LYST: variants seen among roughly 807,000 people sequenced by gnomAD.
The protein encoded by LYST is lysosomal trafficking regulator, also known as lysosomal-trafficking regulator.
A neutral mutation model predicts 413.6 loss-of-function variants in LYST; 192 were observed. The observed-to-expected ratio is 0.46, with a 90% CI of 0.41 to 0.52. The LOEUF (loss-of-function observed/expected upper bound fraction) is 0.52. Ranked by LOEUF, LYST falls within the 20% of genes least tolerant of loss-of-function variation. The probability of loss-of-function intolerance (pLI) is 0.00; values close to 1 mark genes in which losing one functional copy is unlikely to be tolerated. For synonymous variants in LYST, 1,525 were observed against 1,567.3 expected (o/e 0.97, Z 0.64); for missense variants, 3,815 against 4,499.9 (o/e 0.85, Z 4.35).
chr1:235,717,685 G>A (rs1662964926), intron 40 of LYST, among the ~76,000 whole-genome samples: 1 of 151,524 alleles, frequency 6.6e-6, no homozygotes, highest in African/African-American at 2.4e-5. Context: ...AACCAGGTCT[G>A]CTTAACCACA....
chr1:235,809,064 C>G lies in LYST; in HGVS notation c.1754G>C (p.Cys585Ser), dbSNP rs773810492. ...AATGATTACAGATTTGGGATCCATA[C>G]AACAGCATATTCCAATGTTATGAAC... is the stretch of plus-strand genomic sequence containing the variant. Reference protein sequence around the residue: ...SGVHNIGICCCMDPKSVIIPL... With the variant: ...SGVHNIGICCSMDPKSVIIPL... The change falls in exon 5 of 53, where the codon TGT becomes TCT. Residue 585 changes from cysteine to serine, a missense_variant. Transcript: ENST00000389793. The surrounding 1 kb of genome is among the most constrained non-coding windows in gnomAD (Gnocchi z 4.0). 5.0e-6 allele frequency: 8 copies of G among 1,614,112 alleles called. No individual in the cohort carries two copies. The highest frequency in any genetic ancestry group is 5.1e-6 in the Non-Finnish European group (6 of 1,179,982).
intron 1 of LYST, among the ~76,000 whole-genome samples, chr1:235,874,064 A>G (rs1681041577): frequency 6.6e-6 from 1 of 152,240 alleles, no homozygotes; most frequent in African/African-American, 2.4e-5. Flanking sequence ...ACTCAGGGTC[A>G]AGGTAAGGAA....
At chr1:235,769,881 C>T (rs1010243592) in intron 20 of LYST, among the ~76,000 whole-genome samples, 2 of 151,916 alleles carry the variant, frequency 1.3e-5, no homozygotes, top group Non-Finnish European at 2.9e-5. Flanking sequence ...CAAGGCAGTA[C>T]AAAACTATTA....
intron 8 of LYST, among the ~76,000 whole-genome samples, chr1:235,802,142 C>T (rs1040339081): frequency 4.5e-5 from 6 of 132,260 alleles, no homozygotes; most frequent in East Asian, 2.2e-4. Context: ...TGCAGTGAGT[C>T]GAGATCACGC....
Position 235,731,044 on chromosome 1 carries a change from G to T in LYST, c.8935C>A (p.Gln2979Lys). 1 of 1,613,350 alleles carries T rather than the reference G, an allele frequency of 6.2e-7. No individual in the cohort carries two copies. Among genetic ancestry groups the T allele is most frequent in the Non-Finnish European group, 8.5e-7 (1 of 1,179,340 alleles). Residue 2979 changes from glutamine to lysine, a missense_variant, in exon 35 of 53, where the codon CAG becomes AAG. Gln to Lys is a moderately conservative substitution (Grantham distance 53). Around this residue, in one of 4 missense-constraint regions of LYST, gnomAD observed 866 missense variants for 1,156.0 expected, o/e 0.75. Coordinates refer to ENST00000389793, the MANE Select transcript of LYST (RefSeq NM_000081.4). ...AAGCCACTATTACCTTCTGATTTCT[G>T]TCTATCCCTAAGGAGATACTTATTT... The part of the protein sequence containing the change: ...IPNKYLLRDR[Q>K]KSEDVVKPPL...
intron 29 of LYST, among the ~76,000 whole-genome samples, chr1:235,745,273 A>G (rs1028071374): frequency 6.6e-6 from 1 of 152,078 alleles, no homozygotes; most frequent in Non-Finnish European, 1.5e-5. Flanking sequence ...TATTTCTTTG[A>G]ATAGCTTTTT....
At chr1:235,864,435 T>G (rs1558361539) in intron 1 of LYST, among the ~76,000 whole-genome samples, 1 of 152,142 alleles carries the variant, frequency 6.6e-6, no homozygotes, top group Non-Finnish European at 1.5e-5. Flanking sequence ...TTTTGGTGTC[T>G]TTTACATCTC....
At chr1:235,695,542 G>A (rs1006934077) in intron 46 of LYST, among the ~76,000 whole-genome samples, 1 of 151,640 alleles carries the variant, frequency 6.6e-6, no homozygotes, top group East Asian at 1.9e-4. Flanking sequence ...CTTAGAATAT[G>A]TTTGACATGC....
chr1:235,866,987 C>T (rs1680632740), upstream of LYST: 1 of 153,026 alleles, frequency 6.5e-6, no homozygotes, highest in African/African-American at 2.4e-5. Context: ...CCTCCCTCCC[C>T]TCGTCCGGAC....
At chr1:235,685,972 A>C (rs1360884814) in intron 48 of LYST, among the ~76,000 whole-genome samples, 1 of 152,214 alleles carries the variant, frequency 6.6e-6, no homozygotes, top group African/African-American at 2.4e-5. Flanking sequence ...TTATAATGGA[A>C]AAAAATGCAC....
chr1:235,795,164 C>T (rs1038505658), intron 10 of LYST, among the ~76,000 whole-genome samples: 1 of 152,150 alleles, frequency 6.6e-6, no homozygotes, highest in African/African-American at 2.4e-5. Context: ...GACAGTGCGG[C>T]CGACAATACA....
chr1:235,806,704 C>G lies in LYST; in HGVS notation c.2432G>C (p.Gly811Ala), dbSNP rs760751774. Residue 811 changes from glycine to alanine, a missense_variant, in exon 6 of 53, where the codon GGT becomes GCT. By Grantham distance (60) the Gly-to-Ala change is moderately conservative. Coordinates refer to ENST00000389793, the MANE Select transcript of LYST (RefSeq NM_000081.4). ...SQIIELNCLN[G>A]IRSHSLKAFE... ...TGCTTTTAGAGAATGACTTCGAATA[C>G]CATTTAAGCAATTTAATTCGATTAT... The G allele has an allele frequency of 6.2e-7, 1 of 1,612,824 alleles. No individual in the cohort carries two copies. Among genetic ancestry groups the G allele is most frequent in the Non-Finnish European group, 8.5e-7 (1 of 1,179,062 alleles).
chr1:235,852,230 T>C (rs1423419989), intron 1 of LYST, among the ~76,000 whole-genome samples: 1 of 152,190 alleles, frequency 6.6e-6, no homozygotes, highest in Admixed American at 6.5e-5. Flanking sequence ...AGAATCTTAG[T>C]AACAACTCAT....
intron 1 of LYST, among the ~76,000 whole-genome samples, chr1:235,875,144 G>A (rs1430731856): frequency 3.9e-5 from 6 of 152,144 alleles, no homozygotes; most frequent in Admixed American, 1.3e-4. Context: ...GAAAGATCAC[G>A]GTGGTTTGAA....
chr1:235,729,634 A>G lies in LYST; in HGVS notation c.9068T>C (p.Val3023Ala). ...ACCAGCTGTCTCTCTAGATGGTGCA[A>G]CACTGATGCATCTTCGATTCACTCT... The part of the protein sequence containing the change: ...SIRVNRRCIS[V>A]APSRETAGEL... The change falls in exon 37 of 53, where the codon GTT (valine) becomes GCT (alanine). Residue 3023 changes from valine to alanine, a missense_variant. By Grantham distance (64) the Val-to-Ala change is moderately conservative. This residue lies in a region of LYST where 866 missense variants were observed against 1,156.0 expected (regional missense o/e 0.75). Coordinates refer to ENST00000389793, the MANE Select transcript of LYST (RefSeq NM_000081.4). 1 of 1,610,610 alleles carries G rather than the reference A, an allele frequency of 6.2e-7. No individual in the cohort carries two copies. The highest frequency in any genetic ancestry group is 8.5e-7 in the Non-Finnish European group (1 of 1,176,994).
chr1:235,751,461 A>G (rs1572147368), intron 27 of LYST, 99 bp from the exon 28 acceptor site: 2 of 1,102,710 alleles, frequency 1.8e-6, no homozygotes, highest in Non-Finnish European at 2.7e-6. Flanking sequence ...TTTGATATAA[A>G]TTTTTAAATT....
Position 235,879,139 on chromosome 1 carries a change from G to A in LYST, n.454+4048C>T, listed in dbSNP as rs1681262556. Among the ~76,000 whole-genome samples, 2 of 152,264 alleles carry A rather than the reference G, an allele frequency of 1.3e-5. 1 individual carries two copies. The highest frequency in any genetic ancestry group is 4.1e-4 in the South Asian group (2 of 4,822). ...TCCCACCTCAGCCTCCCAAAGCACT[G>A]GGATTACAGGTGTGAACCACCACTA... On this transcript the variant is annotated intron_variant and non_coding_transcript_variant, in intron 1 of 11. Transcript: ENST00000465349.
Position 235,782,039 on chromosome 1 carries a change from C to T in LYST, c.4911G>A (p.Leu1637=), listed in dbSNP as rs1669920147. Reference sequence around the variant, plus strand: ...AAAATGTTTTATTGCTATCAGATGACAAACTTGTTTTTCTTGGAAGCATAA... The same window carrying T: ...AAAATGTTTTATTGCTATCAGATGATAAACTTGTTTTTCTTGGAAGCATAA... The part of the protein sequence containing the change: ...LDFMLPRKTS[L]SSDSNKTFCM... Residue 1637 remains leucine (L), a synonymous_variant, in exon 15 of 53, where the codon TTG becomes TTA. Transcript: ENST00000389793. The T allele has an allele frequency of 6.2e-7, 1 of 1,612,686 alleles. No homozygotes were observed. The highest frequency in any genetic ancestry group is 1.1e-5 in the South Asian group (1 of 91,072).
rs560923543 is a variant in LYST at position 235,734,017 on chromosome 1, T to C, written c.8536-111A>G. ...AACCCAGTTAACAAAGGAAAAACAATTGTCCCTAGGAGACCAGAATATTAA... is the reference window on the plus strand; with the variant it reads ...AACCCAGTTAACAAAGGAAAAACAACTGTCCCTAGGAGACCAGAATATTAA... On this transcript the variant is annotated intron_variant, in intron 32 of 52. Transcript: ENST00000389793. 169 of 595,610 alleles carry C rather than the reference T, an allele frequency of 2.8e-4. No individual in the cohort carries two copies. The African/African-American group carries it at 2.9e-3, about 10-fold the overall frequency. 36.9% of individuals were successfully genotyped at this position (595,610 alleles called of 1,614,324 possible).
Sources: allele counts gnomAD v4.1 joint callset (sites outside exome capture counted in the v4.1 genomes callset), GRCh38; gene constraint gnomAD v4.1.1; regional missense constraint gnomAD v4.1.1; non-coding constraint Gnocchi (gnomAD v3.1); transcripts MANE v1.5; gene names NCBI Gene and HGNC (gene_info 2026-07-23, HGNC 2026-07-21).